Variants in PCDHGB2 observed in about 807,000 individuals in gnomAD.
PCDHGB2 encodes the protein protocadherin gamma-B2.
Under a neutral mutation model 59.3 loss-of-function variants are expected in PCDHGB2, and 55 were observed. The ratio of observed to expected loss-of-function variants is 0.93; its 90% CI spans 0.75 to 1.16. The LOEUF is 1.16. PCDHGB2 is among the 50% of genes most tolerant of loss of function. PCDHGB2 has a pLI of 0.00. For synonymous variants in PCDHGB2, 516 were observed against 512.0 expected (o/e 1.01, Z -0.11); for missense variants, 1,228 against 1,198.5 (o/e 1.02, Z -0.36).
rs6873304 is a variant in PCDHGB2, at chr5:141,369,666, G to A, written c.2421+7110G>A. ...GGGGGGAGATAATAAAGATAAAAGA[G>A]AAGAAAGTGAAACATAGAATAAAAC... On this transcript the variant is annotated intron_variant, in intron 1 of 3. Coordinates refer to ENST00000522605, the MANE Select transcript of PCDHGB2 (RefSeq NM_018923.3). 4.3e-3 allele frequency among the ~76,000 whole-genome samples: 662 copies of A among 152,228 alleles called. 7 individuals carry two copies. The highest frequency in any genetic ancestry group is 0.015 in the African/African-American group (637 of 41,556).
intron 1 of PCDHGB2, chr5:141,389,392 T>C (rs1258153986): frequency 1.9e-6 from 3 of 1,613,686 alleles, no homozygotes; most frequent in Non-Finnish European, 2.5e-6. Flanking sequence ...TCATCCTACG[T>C]GTCCATAAGC....
rs1257609378 is a variant in PCDHGB2 at position 141,385,552 on chromosome 5, T to TA, written c.2421+22996_2421+22997insA. Reference sequence around the variant, plus strand: ...ATTATGAATATGTGGACTATCACATTTTATAATTTCCACCTACTTTCCAAT... The same window carrying TA: ...ATTATGAATATGTGGACTATCACATTATTATAATTTCCACCTACTTTCCAAT... On this transcript the variant is annotated intron_variant, in intron 1 of 3. Transcript: ENST00000522605. 1.1e-5 allele frequency: 14 copies of TA among 1,315,750 alleles called. No individual in the cohort carries two copies. The African/African-American group carries it at 2.1e-4, about 20-fold the overall frequency. The allele number at this position is 1,315,750 out of a possible 1,614,324, so 81.5% of individuals were successfully genotyped here. A position where few individuals can be genotyped will look rare whatever the true frequency, so the allele number is the denominator to read the frequency against.
intron 1 of PCDHGB2, chr5:141,382,982 C>A (rs1778673770): frequency 6.2e-7 from 1 of 1,612,206 alleles, no homozygotes; most frequent in Non-Finnish European, 8.5e-7. Flanking sequence ...GAAGCCTGGG[C>A]AGGACGTATT....
intron 1 of PCDHGB2, chr5:141,365,768 G>C: frequency 6.2e-7 from 1 of 1,613,812 alleles, no homozygotes. Flanking sequence ...CCATGACCCC[G>C]ACAGCGGCGA....
At position 141,489,078 on chromosome 5, in the gene PCDHGB2, G is replaced by A. The variant is rs990356560; in HGVS notation, c.2422-5729G>A. ...GCTCCCCTCCCCCCTGCCCACCCCC[G>A]CCACTCGGTGACTAAGAACTGCTGC... On this transcript the variant is annotated intron_variant, in intron 1 of 3. Transcript: ENST00000522605. The surrounding 1 kb of genome is among the most constrained non-coding windows in gnomAD (Gnocchi z 4.5). 6.9e-5 allele frequency: 11 copies of A among 160,224 alleles called. 1 individual carries two copies. Among genetic ancestry groups the A allele is most frequent in the Admixed American group, 3.7e-4 (4 of 10,708 alleles). The allele number at this position is 160,224 out of a possible 1,614,324, so 9.9% of individuals were successfully genotyped here.
At chr5:141,470,252 C>T (rs1010559144) in intron 1 of PCDHGB2, among the ~76,000 whole-genome samples, 3 of 152,160 alleles carry the variant, frequency 2.0e-5, no homozygotes, top group Admixed American at 1.3e-4. Context: ...TCCCACCTGT[C>T]TAAATGGAGA....
rs1484954022 is a variant in PCDHGB2 at position 141,511,920 on chromosome 5, T to C, written c.*747T>C. 1 of 156,200 alleles carries C rather than the reference T, an allele frequency of 6.4e-6. No individual in the cohort carries two copies. Among genetic ancestry groups the C allele is most frequent in the Non-Finnish European group, 1.4e-5 (1 of 70,262 alleles). The allele number at this position is 156,200 out of a possible 1,614,324, so 9.7% of individuals were successfully genotyped here. The stretch of plus-strand genomic sequence containing the variant: ...CTCCTCCTCAAACAAGAGACTCCAC[T>C]GCATGTTCCAAGACAGTATGGGGTG... On this transcript the variant is annotated 3_prime_UTR_variant, in exon 4 of 4. Coordinates refer to ENST00000522605, the MANE Select transcript of PCDHGB2 (RefSeq NM_018923.3).
In PCDHGB2 at chr5:141,489,652, C is replaced by A. The variant is rs767143028; in HGVS notation, c.2422-5155C>A. On this transcript the variant is annotated intron_variant, in intron 1 of 3. Transcript: ENST00000522605. The surrounding 1 kb of genome is among the most constrained non-coding windows in gnomAD (Gnocchi z 4.5). ...CTCTCCTAGCTTTGCCACCCCTGAG[C>A]GAGAGATGCGCATCTCAGAATCAGC... 34 of 1,614,024 alleles carry A rather than the reference C, an allele frequency of 2.1e-5. No homozygotes were observed. The Middle Eastern group carries it at 6.6e-4, about 31-fold the overall frequency.
At chr5:141,366,292 G>A (rs1449441048) in intron 1 of PCDHGB2, 3 of 1,613,732 alleles carry the variant, frequency 1.9e-6, no homozygotes, top group East Asian at 4.5e-5. Context: ...AGCCCCCTCT[G>A]TCAGCCACCT....
At position 141,462,908 on chromosome 5, in the gene PCDHGB2, T is replaced by G. The variant is rs186061013; in HGVS notation, c.2422-31899T>G. ...AGTTTGTTTTGGAAGGCTATTATGT[T>G]TTTTGCAGATCAGGTTGATCTTTTC... On this transcript the variant is annotated intron_variant, in intron 1 of 3. Coordinates refer to ENST00000522605, the MANE Select transcript of PCDHGB2 (RefSeq NM_018923.3). Among the ~76,000 whole-genome samples the G allele has an allele frequency of 1.4e-4, 21 of 152,362 alleles. No individual in the cohort carries two copies. The East Asian group carries it at 3.5e-3, about 25-fold the overall frequency.
At position 141,511,187 on chromosome 5, in the gene PCDHGB2, C is replaced by T; in HGVS notation, c.*14C>T. The stretch of plus-strand genomic sequence containing the variant: ...GAGAAGAAGTAACATGGAGGCCAGG[C>T]CAAGAGCCACAGGGCGGCCTCTCCC... On this transcript the variant is annotated 3_prime_UTR_variant, in exon 4 of 4. Transcript: ENST00000522605. The T allele has an allele frequency of 1.2e-6, 2 of 1,613,868 alleles. No homozygotes were observed. The highest frequency in any genetic ancestry group is 1.7e-6 in the Non-Finnish European group (2 of 1,179,878).
intron 1 of PCDHGB2, chr5:141,404,622 A>G (rs1182540384): frequency 9.9e-6 from 16 of 1,614,156 alleles, no homozygotes; most frequent in Non-Finnish European, 1.4e-5. Flanking sequence ...GACCAGAATG[A>G]CAATGCCCCA....
At chr5:141,375,535 C>A (rs548065153) in intron 1 of PCDHGB2, 105 of 1,613,900 alleles carry the variant, frequency 6.5e-5, no homozygotes, top group Non-Finnish European at 8.3e-5. Context: ...TGGACCAGAA[C>A]GCCCAAGTCT....
intron 3 of PCDHGB2, among the ~76,000 whole-genome samples, chr5:141,505,793 GGACTTGGATC>G (rs2099848390): frequency 6.6e-6 from 1 of 152,142 alleles, no homozygotes; most frequent in Non-Finnish European, 1.5e-5. Flanking sequence ...ACTATCCTTG[GGACTTGGATC>G]GACTTGCTCA....
intron 1 of PCDHGB2, chr5:141,393,244 A>C: frequency 6.2e-7 from 1 of 1,613,840 alleles, no homozygotes; most frequent in Non-Finnish European, 8.5e-7. Flanking sequence ...AAAATTAACG[A>C]AATCGCGGTT....
At chr5:141,393,542 T>A in intron 1 of PCDHGB2, 3 of 1,613,964 alleles carry the variant, frequency 1.9e-6, no homozygotes, top group Non-Finnish European at 2.5e-6. Flanking sequence ...CGGTTTTTCC[T>A]CACCCGATTT....
intron 1 of PCDHGB2, among the ~76,000 whole-genome samples, chr5:141,459,690 C>A (rs1338211972): frequency 6.6e-6 from 1 of 152,174 alleles, no homozygotes; most frequent in African/African-American, 2.4e-5. Context: ...ATAAAGCGTT[C>A]CGCTTGCTAC....
At chr5:141,464,264 A>G (rs1357786078) in intron 1 of PCDHGB2, among the ~76,000 whole-genome samples, 2 of 130,598 alleles carry the variant, frequency 1.5e-5, no homozygotes, top group East Asian at 4.2e-4. Flanking sequence ...GACTCCGTCT[A>G]AAAAAAAAAA....
intron 1 of PCDHGB2, among the ~76,000 whole-genome samples, chr5:141,462,363 G>C (rs1425898350): frequency 6.6e-6 from 1 of 152,132 alleles, no homozygotes; most frequent in Non-Finnish European, 1.5e-5. Context: ...ACATTGTATA[G>C]TTTCTATTCT....
Sources: gnomAD v4.1 joint callset for allele counts (sites outside exome capture counted in the v4.1 genomes callset) on GRCh38, gnomAD v4.1.1 for gene constraint, Gnocchi (gnomAD v3.1) non-coding constraint, MANE v1.5 for transcripts, NCBI Gene and HGNC (gene_info 2026-07-23, HGNC 2026-07-21) for gene names.